The following CFAP20DC variants were observed in gnomAD, a reference collection of about 807,000 sequenced individuals.
The protein encoded by CFAP20DC is protein CFAP20DC.
CFAP20DC carries 84 observed loss-of-function variants against 101.7 expected under a neutral mutation model. The observed-to-expected ratio is 0.83, with a 90% CI of 0.69 to 0.99. The LOEUF is 0.99. Ranked by LOEUF, CFAP20DC falls within the 50% of genes least tolerant of loss-of-function variation. CFAP20DC has a pLI of 0.00. For missense variants in CFAP20DC, 1,007 were observed against 970.3 expected (o/e 1.04, Z -0.50); for synonymous variants, 359 against 351.2 (o/e 1.02, Z -0.25).
chr3:58,910,916 G>A (rs1343735652), intron 6 of CFAP20DC, among the ~76,000 whole-genome samples: 1 of 151,650 alleles, frequency 6.6e-6, no homozygotes, highest in Non-Finnish European at 1.5e-5. Context: ...CAAGACCAAG[G>A]GAAAAATAAA....
chr3:58,866,830 G>GTTT, intron 10 of CFAP20DC, 142 bp from the exon 11 acceptor site: 6 of 432,652 alleles, frequency 1.4e-5, no homozygotes, highest in African/African-American at 2.1e-5. Flanking sequence ...ATTACATGCA[G>GTTT]TTTTTTTTTT....
intron 15 of CFAP20DC, among the ~76,000 whole-genome samples, chr3:58,802,845 ATT>A (rs752481904): frequency 5.3e-5 from 8 of 152,186 alleles, no homozygotes; most frequent in Non-Finnish European, 1.0e-4. Context: ...ATTGTCTTTA[ATT>A]TTAATCCTGC....
At chr3:58,887,012 G>A (rs997007829) in intron 6 of CFAP20DC, among the ~76,000 whole-genome samples, 9 of 152,140 alleles carry the variant, frequency 5.9e-5, no homozygotes, top group Non-Finnish European at 1.2e-4. Context: ...AGAGGTTTCT[G>A]TGCATCCTAG....
intron 7 of CFAP20DC, among the ~76,000 whole-genome samples, chr3:58,871,782 C>T (rs1218288765): frequency 1.3e-5 from 2 of 152,180 alleles, no homozygotes; most frequent in Non-Finnish European, 2.9e-5. Flanking sequence ...CCTGACTCAG[C>T]TTCCCAAAGT....
chr3:58,822,834 C>G (rs2075779837), intron 14 of CFAP20DC, among the ~76,000 whole-genome samples: 1 of 152,088 alleles, frequency 6.6e-6, no homozygotes, highest in South Asian at 2.1e-4. Context: ...CCTGTTCTCC[C>G]CTGCAGCTGG....
chr3:58,746,803 G>A (rs906422474), intron 16 of CFAP20DC, among the ~76,000 whole-genome samples: 1 of 152,116 alleles, frequency 6.6e-6, no homozygotes, highest in African/African-American at 2.4e-5. Context: ...TTATGTTGAA[G>A]TAAGTGCTTT....
intron 15 of CFAP20DC, among the ~76,000 whole-genome samples, chr3:58,758,192 A>AT (rs879303131): frequency 6.6e-6 from 1 of 152,084 alleles, no homozygotes; most frequent in Admixed American, 6.6e-5. Context: ...TAATAATTTT[A>AT]TTTTTAAGCA....
Position 59,002,394 on chromosome 3 carries a change from T to C in CFAP20DC, c.278+37163A>G, listed in dbSNP as rs746555151. Among the ~76,000 whole-genome samples, 59 of 152,246 alleles carry C rather than the reference T, an allele frequency of 3.9e-4. No individual in the cohort carries two copies. The highest frequency in any genetic ancestry group is 1.3e-4 in the Non-Finnish European group (9 of 68,038). On this transcript the variant is annotated intron_variant, in intron 4 of 16. Coordinates refer to ENST00000482387, the MANE Select transcript of CFAP20DC (RefSeq NM_001394063.1). The surrounding 1 kb of genome is among the most constrained non-coding windows in gnomAD (Gnocchi z 4.5). Reference sequence around the variant, plus strand: ...CTAAATGGCATAACCAAAATGACTTTATGCAAGCAAAGCAAGTAGAAGTAT... The same window carrying C: ...CTAAATGGCATAACCAAAATGACTTCATGCAAGCAAAGCAAGTAGAAGTAT...
At chr3:58,904,136 G>T in intron 6 of CFAP20DC, among the ~76,000 whole-genome samples, 1 of 151,908 alleles carries the variant, frequency 6.6e-6, no homozygotes, top group African/African-American at 2.4e-5. Context: ...CATTTATTTA[G>T]GTCTTCTTTA....
At position 58,751,391 on chromosome 3, in the gene CFAP20DC, G is replaced by A. The variant is rs537282439; in HGVS notation, c.2332+2378C>T. Among the ~76,000 whole-genome samples the A allele has an allele frequency of 2.6e-5, 4 of 152,236 alleles. No homozygotes were observed. In the South Asian group the frequency reaches 6.2e-4, roughly 24 times the overall value. On this transcript the variant is annotated intron_variant, in intron 16 of 16. Transcript: ENST00000482387. Reference sequence around the variant, plus strand: ...AAACAACATGCAAATACCCAGGCCCGGCAGTTCCATATCCAACGATCCTAC... The same window carrying A: ...AAACAACATGCAAATACCCAGGCCCAGCAGTTCCATATCCAACGATCCTAC...
At chr3:58,817,301 A>T (rs920329390) in intron 14 of CFAP20DC, among the ~76,000 whole-genome samples, 3 of 152,228 alleles carry the variant, frequency 2.0e-5, no homozygotes, top group Non-Finnish European at 4.4e-5. Flanking sequence ...AATGACTTTG[A>T]TGAGCTGAGA....
chr3:58,947,123 T>C (rs2089471673), intron 4 of CFAP20DC, among the ~76,000 whole-genome samples: 1 of 152,190 alleles, frequency 6.6e-6, no homozygotes, highest in East Asian at 1.9e-4. Flanking sequence ...CCAAGGTTAG[T>C]AGTTACCTGG....
intron 4 of CFAP20DC, among the ~76,000 whole-genome samples, chr3:58,981,504 C>CA (rs2092543368): frequency 1.3e-5 from 2 of 152,174 alleles, no homozygotes; most frequent in Non-Finnish European, 2.9e-5. Flanking sequence ...GGTACCAAAA[C>CA]AGAGATATAG....
intron 4 of CFAP20DC, among the ~76,000 whole-genome samples, chr3:59,011,843 T>C (rs1480374943): frequency 6.6e-6 from 1 of 152,180 alleles, no homozygotes; most frequent in African/African-American, 2.4e-5. Flanking sequence ...TTGATGAAGA[T>C]TATTTCATCA....
At chr3:58,726,815 T>C in intron 3 of CFAP20DC, 1 of 250,638 alleles carries the variant, frequency 4.0e-6, no homozygotes, top group Non-Finnish European at 8.0e-6. Flanking sequence ...TCACTTCCAC[T>C]CACGCCATCA....
intron 4 of CFAP20DC, among the ~76,000 whole-genome samples, chr3:58,986,508 T>C (rs2092756450): frequency 6.6e-6 from 1 of 152,094 alleles, no homozygotes; most frequent in Non-Finnish European, 1.5e-5. Flanking sequence ...GAAACTTCTG[T>C]ATGGAAAATC....
chr3:58,733,375 A>C (rs2067684742), intron 3 of CFAP20DC, among the ~76,000 whole-genome samples: 1 of 152,096 alleles, frequency 6.6e-6, no homozygotes, highest in South Asian at 2.1e-4. Flanking sequence ...ACAAAAAAAA[A>C]CTTGATTACA....
intron 15 of CFAP20DC, among the ~76,000 whole-genome samples, chr3:58,803,246 A>T (rs1004617700): frequency 2.6e-5 from 4 of 152,168 alleles, no homozygotes; most frequent in African/African-American, 9.7e-5. Context: ...CCATATTGGC[A>T]TTACTCTAAT....
intron 12 of CFAP20DC, among the ~76,000 whole-genome samples, chr3:58,851,301 T>C (rs1052478116): frequency 2.3e-4 from 35 of 152,296 alleles, no homozygotes; most frequent in African/African-American, 7.9e-4. Context: ...TGGAGGCCAA[T>C]CAGTAGACTA....
Sources: gnomAD v4.1 joint callset for allele counts (sites outside exome capture counted in the v4.1 genomes callset) on GRCh38, gnomAD v4.1.1 for gene constraint, Gnocchi (gnomAD v3.1) non-coding constraint, MANE v1.5 for transcripts, NCBI Gene and HGNC (gene_info 2026-07-23, HGNC 2026-07-21) for gene names.